ZNF385D: variants seen among roughly 807,000 people sequenced by gnomAD.
ZNF385D encodes the protein zinc finger protein 385D.
A neutral mutation model predicts 35.8 loss-of-function variants in ZNF385D; 15 were observed. The ratio of observed to expected loss-of-function variants is 0.42; its 90% CI spans 0.28 to 0.64. The LOEUF is 0.64. Ranked by LOEUF, ZNF385D falls within the 30% of genes least tolerant of loss-of-function variation. The probability of loss-of-function intolerance (pLI) is 0.23; values close to 1 mark genes in which losing one functional copy is unlikely to be tolerated. For synonymous variants in ZNF385D, 212 were observed against 186.8 expected (o/e 1.13, Z -1.10); for missense variants, 474 against 494.6 (o/e 0.96, Z 0.39).
intron 3 of ZNF385D, among the ~76,000 whole-genome samples, chr3:22,099,212 A>T (rs1406555646): frequency 1.3e-5 from 2 of 152,134 alleles, no homozygotes; most frequent in Non-Finnish European, 2.9e-5. Flanking sequence ...TCAAACCACA[A>T]GATAGTATGC....
At chr3:22,291,989 G>T (rs1390699539) in intron 2 of ZNF385D, among the ~76,000 whole-genome samples, 1 of 151,962 alleles carries the variant, frequency 6.6e-6, no homozygotes, top group East Asian at 1.9e-4. Flanking sequence ...CTTCACAAAA[G>T]ATAATCACAT....
chr3:21,948,920 T>C (rs1338108975), intron 3 of ZNF385D, among the ~76,000 whole-genome samples: 1 of 152,180 alleles, frequency 6.6e-6, no homozygotes, highest in East Asian at 1.9e-4. Flanking sequence ...ACAATTATTA[T>C]AGTTTTACCA....
At chr3:21,780,554 T>G (rs185075968) in intron 3 of ZNF385D, among the ~76,000 whole-genome samples, 6 of 152,234 alleles carry the variant, frequency 3.9e-5, no homozygotes, top group Non-Finnish European at 7.4e-5. Flanking sequence ...AGAGTGAGTT[T>G]GTTGAGCATT....
At chr3:21,503,587 C>T (rs1706545735) in intron 4 of ZNF385D, among the ~76,000 whole-genome samples, 1 of 152,084 alleles carries the variant, frequency 6.6e-6, no homozygotes, top group African/African-American at 2.4e-5. Flanking sequence ...AAAATGTGCA[C>T]CTAGATTTGT....
chr3:21,730,373 G>A (rs1320554023), intron 1 of ZNF385D, among the ~76,000 whole-genome samples: 1 of 152,148 alleles, frequency 6.6e-6, no homozygotes, highest in Admixed American at 6.5e-5. Flanking sequence ...AGAACTATGT[G>A]GGAAGCTTTT....
At chr3:22,058,240 T>C (rs1174458515) in intron 3 of ZNF385D, among the ~76,000 whole-genome samples, 1 of 152,250 alleles carries the variant, frequency 6.6e-6, no homozygotes, top group East Asian at 1.9e-4. Context: ...GAATACTTTT[T>C]GCTTCAAATG....
chr3:22,368,237 G>C (rs1696743706), intron 2 of ZNF385D, among the ~76,000 whole-genome samples: 1 of 152,122 alleles, frequency 6.6e-6, no homozygotes, highest in South Asian at 2.1e-4. Context: ...CTGTGTTCTA[G>C]TATACTCTAC....
Position 21,895,319 on chromosome 3 carries a change from C to CTTTTTT in ZNF385D, c.326-230297_326-230292dup, listed in dbSNP as rs34167369. Reference sequence around the variant, plus strand: ...ATGGTTGAATCACTGAAATGTGTGGCTTTTTTTTTTTTTTTTTTTTTTTTT... The same window carrying CTTTTTT: ...ATGGTTGAATCACTGAAATGTGTGGCTTTTTTTTTTTTTTTTTTTTTTTTTTTTTTT... On this transcript the variant is annotated intron_variant, in intron 3 of 5. Transcript: ENST00000494108. Among the ~76,000 whole-genome samples, 7 of 62,690 alleles carry CTTTTTT rather than the reference C, an allele frequency of 1.1e-4. 2 individuals are homozygous for CTTTTTT. The highest frequency in any genetic ancestry group is 1.8e-3 in the South Asian group (2 of 1,128). The allele number at this position is 62,690 out of a possible 152,430, so 41.1% of individuals were successfully genotyped here.
At chr3:21,966,952 C>T (rs372827102) in intron 3 of ZNF385D, among the ~76,000 whole-genome samples, 26 of 152,068 alleles carry the variant, frequency 1.7e-4, no homozygotes, top group East Asian at 3.9e-4. Context: ...TGCACATGCA[C>T]GTGGATTTAT....
chr3:22,279,400 T>G (rs1368081046), intron 2 of ZNF385D, among the ~76,000 whole-genome samples: 3 of 151,726 alleles, frequency 2.0e-5, no homozygotes, highest in Admixed American at 1.3e-4. Context: ...AGAATGATGG[T>G]TTCCGATTCC....
At chr3:21,709,697 T>C (rs2068032658) in intron 1 of ZNF385D, among the ~76,000 whole-genome samples, 1 of 152,196 alleles carries the variant, frequency 6.6e-6, no homozygotes, top group Non-Finnish European at 1.5e-5. Flanking sequence ...GACGCCTCTA[T>C]ATGTTTTTTC....
intron 2 of ZNF385D, among the ~76,000 whole-genome samples, chr3:22,194,876 T>C (rs1405164830): frequency 6.6e-6 from 1 of 151,916 alleles, no homozygotes; most frequent in African/African-American, 2.4e-5. Context: ...GATACCACAA[T>C]TTGCATATTC....
upstream of ZNF385D, among the ~76,000 whole-genome samples, chr3:21,752,261 C>A (rs2070138476): frequency 2.6e-5 from 4 of 152,112 alleles, no homozygotes; most frequent in South Asian, 8.3e-4. Flanking sequence ...ACTTTGGGAA[C>A]CAATTTACGT....
intron 3 of ZNF385D, among the ~76,000 whole-genome samples, chr3:22,076,945 T>A (rs1302134368): frequency 6.6e-6 from 1 of 151,882 alleles, no homozygotes; most frequent in Non-Finnish European, 1.5e-5. Context: ...TACCTCTGAG[T>A]AACACGTTTT....
intron 5 of ZNF385D, among the ~76,000 whole-genome samples, chr3:21,434,907 C>T (rs1470260530): frequency 1.3e-5 from 2 of 152,236 alleles, no homozygotes; most frequent in East Asian, 1.9e-4. Context: ...AGAGAACACT[C>T]TTATAAGGGA....
At chr3:21,945,315 C>G (rs1456246523) in intron 3 of ZNF385D, among the ~76,000 whole-genome samples, 1 of 152,004 alleles carries the variant, frequency 6.6e-6, no homozygotes, top group Non-Finnish European at 1.5e-5. Flanking sequence ...TGAATATTGT[C>G]TGGTCTTCAG....
At chr3:21,975,218 T>C (rs1368798776) in intron 3 of ZNF385D, among the ~76,000 whole-genome samples, 1 of 152,026 alleles carries the variant, frequency 6.6e-6, no homozygotes, top group East Asian at 1.9e-4. Context: ...CACAATGGAG[T>C]ACTATTCAGC....
chr3:21,776,125 C>T (rs1383884730), intron 3 of ZNF385D, among the ~76,000 whole-genome samples: 1 of 151,500 alleles, frequency 6.6e-6, no homozygotes, highest in Non-Finnish European at 1.5e-5. Context: ...TTAATTATAT[C>T]CTATATTATG....
chr3:22,213,464 C>G (rs1697656417), intron 2 of ZNF385D, among the ~76,000 whole-genome samples: 1 of 152,044 alleles, frequency 6.6e-6, no homozygotes, highest in East Asian at 1.9e-4. Context: ...AAATAGAATA[C>G]TTCCAGTGGT....
Sources: allele counts gnomAD v4.1 joint callset (sites outside exome capture counted in the v4.1 genomes callset), GRCh38; gene constraint gnomAD v4.1.1; transcripts MANE v1.5; gene names NCBI Gene and HGNC (gene_info 2026-07-23, HGNC 2026-07-21).